Variants in PIK3CD observed in about 807,000 individuals in gnomAD.
PIK3CD encodes the protein phosphatidylinositol-4,5-bisphosphate 3-kinase catalytic subunit delta, also known as phosphatidylinositol 4,5-bisphosphate 3-kinase catalytic subunit delta isoform.
In PIK3CD, 20 loss-of-function variants were observed where a neutral mutation model predicts 122.9. The ratio of observed to expected loss-of-function variants is 0.16; its 90% CI spans 0.11 to 0.24. The LOEUF (loss-of-function observed/expected upper bound fraction) is 0.24. Ranked by LOEUF, PIK3CD falls within the 10% of genes least tolerant of loss-of-function variation. The pLI is 1.00. For missense variants in PIK3CD, 787 were observed against 1,406.3 expected, an observed-to-expected ratio of 0.56 and a Z score of 7.04; for synonymous variants, 596 against 593.4, an observed-to-expected ratio of 1.00 and a Z score of -0.06.
chr1:9,642,781 G>T, the PIK3CD span, among the ~76,000 whole-genome samples: 1 of 151,106 alleles, frequency 6.6e-6, no homozygotes, highest in African/African-American at 2.4e-5. Flanking sequence ...GTCACAACCT[G>T]CTGTTGCTGC....
chr1:9,634,335 T>C, the PIK3CD span, among the ~76,000 whole-genome samples: 1 of 152,104 alleles, frequency 6.6e-6, no homozygotes, highest in Non-Finnish European at 1.5e-5. Context: ...CTAATTTTTG[T>C]ATTTTTAGTA....
chr1:9,699,589 C>T (rs1410024183), intron 2 of PIK3CD, among the ~76,000 whole-genome samples: 1 of 145,160 alleles, frequency 6.9e-6, no homozygotes, highest in African/African-American at 2.8e-5. Flanking sequence ...GCCTCAGGGC[C>T]TTTGTACTTT....
chr1:9,705,516 G>A (rs1646798355), intron 2 of PIK3CD, among the ~76,000 whole-genome samples: 1 of 151,340 alleles, frequency 6.6e-6, no homozygotes, highest in Non-Finnish European at 1.5e-5. Context: ...AAACAAAACA[G>A]CAACAACAAA....
the PIK3CD span, among the ~76,000 whole-genome samples, chr1:9,642,205 C>A: frequency 2.6e-5 from 4 of 152,074 alleles, no homozygotes; most frequent in Non-Finnish European, 4.4e-5. Flanking sequence ...CTCCACATCC[C>A]GGGTTCAAGC....
rs895803394 is a variant in PIK3CD at position 9,700,731 on chromosome 1, T to G, written c.-33+9160T>G. Among the ~76,000 whole-genome samples, 11 of 152,138 alleles carry G rather than the reference T, an allele frequency of 7.2e-5. No homozygotes were observed. The highest frequency in any genetic ancestry group is 1.5e-4 in the Non-Finnish European group (10 of 68,018). On this transcript the variant is annotated intron_variant, in intron 2 of 23. Transcript: ENST00000377346. This position sits in a 1 kb window ranked among gnomAD's most constrained non-coding sequence, Gnocchi z 5.1. ...CCCCTGGCGGTCTTTACGTGGCTATTCATTAAGCAGCTGAGATTCATTTGG... is the reference window on the plus strand; with the variant it reads ...CCCCTGGCGGTCTTTACGTGGCTATGCATTAAGCAGCTGAGATTCATTTGG...
At chr1:9,677,196 G>A (rs1645571214) in intron 1 of PIK3CD, among the ~76,000 whole-genome samples, 1 of 152,174 alleles carries the variant, frequency 6.6e-6, no homozygotes, top group African/African-American at 2.4e-5. Flanking sequence ...AGAATGGGGC[G>A]AACTACCACA....
intron 1 of PIK3CD, among the ~76,000 whole-genome samples, chr1:9,658,965 A>G (rs1449964221): frequency 6.6e-6 from 1 of 152,244 alleles, no homozygotes; most frequent in African/African-American, 2.4e-5. Flanking sequence ...ATAGCAATCC[A>G]TGCAGTGTCT....
At chr1:9,683,071 G>A (rs1369429044) in intron 1 of PIK3CD, among the ~76,000 whole-genome samples, 3 of 136,082 alleles carry the variant, frequency 2.2e-5, no homozygotes, top group Admixed American at 7.7e-5. Flanking sequence ...GCTGGGTCTC[G>A]CTAAGATGGC....
At chr1:9,682,277 C>A (rs1310815389) in intron 1 of PIK3CD, among the ~76,000 whole-genome samples, 1 of 152,078 alleles carries the variant, frequency 6.6e-6, no homozygotes. Context: ...GACAGAGTTT[C>A]ACTCTTGTTG....
chr1:9,717,042 G>A lies in PIK3CD; in HGVS notation c.864G>A (p.Glu288=). Reference sequence around the variant, plus strand: ...CCTCCATCCTCGCCATGCGGGATGAGCAGAGCAACCCTGCCCCCCAGGTCC... The same window carrying A: ...CCTCCATCCTCGCCATGCGGGATGAACAGAGCAACCCTGCCCCCCAGGTCC... ...HSSSILAMRD[E]QSNPAPQVQK... The change falls in exon 7 of 24, where the codon GAG becomes GAA. Residue 288 remains glutamate, a synonymous_variant. Coordinates refer to ENST00000377346, the MANE Select transcript of PIK3CD (RefSeq NM_005026.5). This position sits in a 1 kb window ranked among gnomAD's most constrained non-coding sequence, Gnocchi z 5.4. 1 of 1,613,940 alleles carries A rather than the reference G, an allele frequency of 6.2e-7. No individual in the cohort carries two copies. The highest frequency in any genetic ancestry group is 8.5e-7 in the Non-Finnish European group (1 of 1,180,010).
upstream of PIK3CD, among the ~76,000 whole-genome samples, chr1:9,648,872 C>T (rs7547500): frequency 0.29 from 43,888 of 152,044 alleles, 7,517 homozygotes; most frequent in East Asian, 0.65. Flanking sequence ...GAGGCTGAGG[C>T]GGGCAGATCA....
chr1:9,693,998 C>T (rs765626747), intron 2 of PIK3CD, among the ~76,000 whole-genome samples: 1 of 152,154 alleles, frequency 6.6e-6, no homozygotes, highest in Non-Finnish European at 1.5e-5. Context: ...GGCAGGTTTC[C>T]GGCAGGCAGT....
In PIK3CD at chr1:9,720,712, A is replaced by G. The variant is rs1228641020; in HGVS notation, c.1522-30A>G. Reference sequence around the variant, plus strand: ...GGGGGCATGGAGCCGGCGTGGAACCAGAGCCCTCACTCCTGCCCACACCCC... The same window carrying G: ...GGGGGCATGGAGCCGGCGTGGAACCGGAGCCCTCACTCCTGCCCACACCCC... On this transcript the variant is annotated intron_variant, in intron 12 of 23. Coordinates refer to ENST00000377346, the MANE Select transcript of PIK3CD (RefSeq NM_005026.5). This position sits in a 1 kb window ranked among gnomAD's most constrained non-coding sequence, Gnocchi z 9.0. 4 of 1,602,280 alleles carry G rather than the reference A, an allele frequency of 2.5e-6. No individual in the cohort carries two copies. Among genetic ancestry groups the G allele is most frequent in the Non-Finnish European group, 3.4e-6 (4 of 1,176,244 alleles).
Position 9,719,883 on chromosome 1 carries a change from C to T in PIK3CD, c.1243-38C>T, listed in dbSNP as rs773595672. On this transcript the variant is annotated intron_variant, in intron 9 of 23. Transcript: ENST00000377346. The surrounding 1 kb of genome is among the most constrained non-coding windows in gnomAD (Gnocchi z 5.5). ...GGCAGGGAAGCTGGGTCTGGAGGCC[C>T]CTGAGTGGCTGTCCTCACCTGCCCT... 1 of 1,562,144 alleles carries T rather than the reference C, an allele frequency of 6.4e-7. No individual in the cohort carries two copies. Among genetic ancestry groups the T allele is most frequent in the South Asian group, 1.1e-5 (1 of 90,098 alleles).
At chr1:9,667,031 T>G (rs1645181288) in intron 1 of PIK3CD, among the ~76,000 whole-genome samples, 1 of 152,094 alleles carries the variant, frequency 6.6e-6, no homozygotes, top group Non-Finnish European at 1.5e-5. Flanking sequence ...GCCTGGCTAA[T>G]TTTTTGTATT....
rs1649824335 is a variant in PIK3CD, at chr1:9,727,376, C to T, written c.*330C>T. On this transcript the variant is annotated 3_prime_UTR_variant, in exon 24 of 24. Coordinates refer to ENST00000377346, the MANE Select transcript of PIK3CD (RefSeq NM_005026.5). ...TTCTCCTCCCGAGGGAACCTTCTTC[C>T]CAGGCCTCCCGCCAGACTGCCTGGG... is the stretch of plus-strand genomic sequence containing the variant. The T allele has an allele frequency of 4.5e-6, 2 of 440,902 alleles. No individual in the cohort carries two copies. The highest frequency in any genetic ancestry group is 4.3e-5 in the South Asian group (2 of 46,926). The allele number at this position is 440,902 out of a possible 1,614,324, so 27.3% of individuals were successfully genotyped here.
At chr1:9,699,563 C>A (rs1021976037) in intron 2 of PIK3CD, among the ~76,000 whole-genome samples, 2 of 151,974 alleles carry the variant, frequency 1.3e-5, no homozygotes, top group Non-Finnish European at 2.9e-5. Context: ...CCCTTGACTT[C>A]AGGCACCTGC....
chr1:9,707,516 C>T (rs1031179225), intron 2 of PIK3CD, among the ~76,000 whole-genome samples: 9 of 152,122 alleles, frequency 5.9e-5, no homozygotes, highest in African/African-American at 1.9e-4. Flanking sequence ...CTCCCGACTC[C>T]CACCCTCCAC....
At chr1:9,694,330 T>C (rs985042851) in intron 2 of PIK3CD, among the ~76,000 whole-genome samples, 6 of 152,036 alleles carry the variant, frequency 3.9e-5, no homozygotes, top group Admixed American at 6.6e-5. Flanking sequence ...AGGCCGGAGT[T>C]TGAGACCAGC....
Sources: gnomAD v4.1 joint callset for allele counts (sites outside exome capture counted in the v4.1 genomes callset) on GRCh38, gnomAD v4.1.1 for gene constraint, Gnocchi (gnomAD v3.1) non-coding constraint, MANE v1.5 for transcripts, NCBI Gene and HGNC (gene_info 2026-07-23, HGNC 2026-07-21) for gene names.